RALYL: variants seen among roughly 807,000 people sequenced by gnomAD.
The protein encoded by RALYL is RNA-binding Raly-like protein.
RALYL carries 29 observed loss-of-function variants against 35.1 expected under a neutral mutation model. The observed-to-expected ratio is 0.83, with a 90% confidence interval of 0.61 to 1.13. The LOEUF (loss-of-function observed/expected upper bound fraction) is 1.13, where lower values mean the gene tolerates loss of function less well. RALYL is among the 50% of genes most tolerant of loss of function. The pLI is 0.00. For missense variants in RALYL, 359 were observed against 360.4 expected (o/e 1.00, Z 0.03); for synonymous variants, 120 against 127.6 (o/e 0.94, Z 0.40).
intron 1 of RALYL, among the ~76,000 whole-genome samples, chr8:84,444,106 A>G (rs2048617161): frequency 6.6e-6 from 1 of 152,158 alleles, no homozygotes; most frequent in Admixed American, 6.5e-5. Flanking sequence ...AGGCAGGAGA[A>G]TCACTTGAGG....
rs139964038 is a variant in RALYL, at chr8:84,183,917, G to C, written c.-531G>C. 4.4e-3 allele frequency: 670 copies of C among 152,378 alleles called. 4 individuals carry two copies. Among genetic ancestry groups the C allele is most frequent in the Middle Eastern group, 6.8e-3 (2 of 292 alleles). The allele number at this position is 152,378 out of a possible 1,614,324, so 9.4% of individuals were successfully genotyped here. ...TTTCCTTTGTAAAAATAAAAAGCAT[G>C]TTTCTAACTCTTTTTTTGCATACTC... On this transcript the variant is annotated 5_prime_UTR_variant, in exon 1 of 9. The change abolishes an upstream ATG in the 5' untranslated region. Coordinates refer to ENST00000521268, the MANE Select transcript of RALYL (RefSeq NM_173848.7).
chr8:84,185,037 T>C lies in RALYL; in HGVS notation c.-24+613T>C, dbSNP rs559833673. 2.0e-5 allele frequency: 32 copies of C among 1,613,720 alleles called. No homozygotes were observed. In the East Asian group the frequency reaches 4.7e-4, roughly 24 times the overall value. ...GCAGTAGGTCCTACCCAGCCTATTT[T>C]GCTTTACCAAAGGGCTTTGCTTTCT... On this transcript the variant is annotated intron_variant, in intron 1 of 8. Transcript: ENST00000521268.
At position 84,298,455 on chromosome 8, in the gene RALYL, T is replaced by C. The variant is rs139442453; in HGVS notation, c.-24+114031T>C. On this transcript the variant is annotated intron_variant, in intron 1 of 8. Transcript: ENST00000521268. ...TTGTGCCATGCTGTTTTGGTTACTG[T>C]AGCCTTGGAGTATAGTTTGAAGTTG... Among the ~76,000 whole-genome samples the C allele has an allele frequency of 7.7e-3, 1,176 of 152,276 alleles. 19 individuals are homozygous for C. Among genetic ancestry groups the C allele is most frequent in the African/African-American group, 0.027 (1,131 of 41,562 alleles).
intron 4 of RALYL, among the ~76,000 whole-genome samples, chr8:84,839,009 G>T (rs1832617294): frequency 6.6e-6 from 1 of 152,186 alleles, no homozygotes; most frequent in South Asian, 2.1e-4. Flanking sequence ...TGGCCAAATA[G>T]GAACAGCTCC....
At chr8:84,211,150 C>T (rs143681650) in intron 1 of RALYL, among the ~76,000 whole-genome samples, 53 of 152,138 alleles carry the variant, frequency 3.5e-4, no homozygotes, top group African/African-American at 1.3e-3. Context: ...AGGTCACTTG[C>T]TCATATCTGT....
At chr8:84,858,598 C>T (rs1837504123) in intron 5 of RALYL, among the ~76,000 whole-genome samples, 1 of 152,160 alleles carries the variant, frequency 6.6e-6, no homozygotes, top group South Asian at 2.1e-4. Flanking sequence ...TGTCAGTCTA[C>T]AATCTTAAAT....
At chr8:84,306,985 G>T (rs1483689809) in intron 1 of RALYL, among the ~76,000 whole-genome samples, 1 of 152,060 alleles carries the variant, frequency 6.6e-6, no homozygotes, top group Admixed American at 6.5e-5. Flanking sequence ...ACTTGGAGTG[G>T]ATGTGGGGGG....
At chr8:84,648,328 G>A (rs1253244686) in intron 2 of RALYL, among the ~76,000 whole-genome samples, 1 of 152,000 alleles carries the variant, frequency 6.6e-6, no homozygotes, top group Non-Finnish European at 1.5e-5. Context: ...CAGCATCCAT[G>A]GCTCAAGCTC....
intron 2 of RALYL, among the ~76,000 whole-genome samples, chr8:84,532,551 A>G (rs1374218252): frequency 6.6e-6 from 1 of 151,994 alleles, no homozygotes; most frequent in Non-Finnish European, 1.5e-5. Flanking sequence ...TATTATATGA[A>G]GTTATTATTA....
At chr8:84,193,292 C>A (rs1814436784) in intron 1 of RALYL, among the ~76,000 whole-genome samples, 1 of 152,062 alleles carries the variant, frequency 6.6e-6, no homozygotes, top group Non-Finnish European at 1.5e-5. Context: ...AGGATGGAAT[C>A]CCCTTGCAGG....
chr8:84,422,003 A>C (rs2132417482), intron 1 of RALYL, among the ~76,000 whole-genome samples: 1 of 152,190 alleles, frequency 6.6e-6, no homozygotes, highest in Admixed American at 6.5e-5. Context: ...ATTGGTCTAA[A>C]ATTCTCTTTT....
At chr8:84,405,927 C>T (rs112719823) in intron 1 of RALYL, among the ~76,000 whole-genome samples, 5,002 of 145,956 alleles carry the variant, frequency 0.034, 234 homozygotes, top group African/African-American at 0.1. Context: ...TCACGCCATT[C>T]GCCTGCCTCA....
At chr8:84,358,911 A>G (rs568525045) in intron 1 of RALYL, among the ~76,000 whole-genome samples, 49 of 152,156 alleles carry the variant, frequency 3.2e-4, no homozygotes, top group African/African-American at 8.4e-4. Context: ...AGTTGGAAGG[A>G]TCCAGAACAT....
At chr8:84,222,364 G>A (rs1473746471) in intron 1 of RALYL, among the ~76,000 whole-genome samples, 2 of 151,970 alleles carry the variant, frequency 1.3e-5, no homozygotes, top group East Asian at 1.9e-4. Context: ...TATTTATGTA[G>A]AAATACATAT....
intron 2 of RALYL, among the ~76,000 whole-genome samples, chr8:84,619,189 T>C (rs1283324698): frequency 6.6e-6 from 1 of 151,730 alleles, no homozygotes; most frequent in Non-Finnish European, 1.5e-5. Flanking sequence ...ATGTTGACAG[T>C]GGGGTGTTAA....
chr8:84,487,362 A>G (rs2054760365), intron 1 of RALYL, among the ~76,000 whole-genome samples: 1 of 152,102 alleles, frequency 6.6e-6, no homozygotes. Context: ...AAGAAATTCA[A>G]GATAAATGTT....
At chr8:84,898,952 G>A (rs16913412) in intron 8 of RALYL, among the ~76,000 whole-genome samples, 3,604 of 152,192 alleles carry the variant, frequency 0.024, 147 homozygotes, top group African/African-American at 0.082. Flanking sequence ...ATTTAAAACC[G>A]TTTGAGCCAG....
At chr8:84,648,653 T>G (rs986500974) in intron 2 of RALYL, among the ~76,000 whole-genome samples, 1 of 151,940 alleles carries the variant, frequency 6.6e-6, no homozygotes, top group Admixed American at 6.6e-5. Flanking sequence ...TATTTAAATG[T>G]ATAAATTTCA....
At chr8:84,751,822 GTACAGCCTGTGGAACCATGA>G (rs773293084) in intron 2 of RALYL, among the ~76,000 whole-genome samples, 66 of 152,200 alleles carry the variant, frequency 4.3e-4, no homozygotes, top group Non-Finnish European at 5.1e-4. Flanking sequence ...CATGCTTCCT[GTACAGCCTGTGGAACCATGA>G]GCCAATTAAA....
Sources: gnomAD v4.1 joint callset for allele counts (sites outside exome capture counted in the v4.1 genomes callset) on GRCh38, gnomAD v4.1.1 for gene constraint, MANE v1.5 for transcripts, NCBI Gene and HGNC (gene_info 2026-07-23, HGNC 2026-07-21) for gene names.